Variants in TTLL5 observed in about 807,000 individuals in gnomAD.
TTLL5 encodes tubulin polyglutamylase TTLL5.
TTLL5 carries 132 observed loss-of-function variants against 168.4 expected under a neutral mutation model. That is an observed-to-expected ratio of 0.78 (90% CI 0.68 to 0.91). The LOEUF (loss-of-function observed/expected upper bound fraction) is 0.91. TTLL5 is among the 40% of genes least tolerant of loss of function. The pLI is 0.00. For missense variants in TTLL5, 1,545 were observed against 1,581.5 expected (o/e 0.98, Z 0.39); for synonymous variants, 546 against 558.6 (o/e 0.98, Z 0.32).
intron 29 of TTLL5, among the ~76,000 whole-genome samples, chr14:75,870,818 C>T (rs1251247276): frequency 7.2e-4 from 103 of 143,890 alleles, no homozygotes; most frequent in African/African-American, 2.4e-3. Context: ...TTTTTTGAGA[C>T]GGAGTCTTGC....
chr14:75,766,095 CT>C lies in TTLL5; in HGVS notation c.1743del (p.Glu582ArgfsTer12). 1.2e-6 allele frequency: 2 copies of C among 1,613,280 alleles called. No individual in the cohort carries two copies. Among genetic ancestry groups the C allele is most frequent in the Non-Finnish European group, 1.7e-6 (2 of 1,179,756 alleles). On this transcript the variant is annotated frameshift_variant, in exon 20 of 32. Transcript: ENST00000298832. LOFTEE classifies it high-confidence loss of function. ...CAACCAGCTGAAATGAATGTTAAAACTGAGACAGAGAGTGAAGAGGAGGAAG... is the reference window on the plus strand; with the variant it reads ...CAACCAGCTGAAATGAATGTTAAAACGAGACAGAGAGTGAAGAGGAGGAAG... ...ITQPAEMNVK[T>X]ETESEEEEEV...
chr14:75,922,087 A>G (rs2033847654), intron 31 of TTLL5, among the ~76,000 whole-genome samples: 1 of 152,282 alleles, frequency 6.6e-6, no homozygotes, highest in African/African-American at 2.4e-5. Context: ...TTGATTTTGT[A>G]TCCTGAGACT....
chr14:75,670,923 A>G (rs924240348), intron 3 of TTLL5, among the ~76,000 whole-genome samples: 1 of 152,154 alleles, frequency 6.6e-6, no homozygotes, highest in Non-Finnish European at 1.5e-5. Context: ...CAGTTTATCT[A>G]ATTTTTCTTT....
In TTLL5 at chr14:75,902,148, C is replaced by CT. The variant is rs1484497972; in HGVS notation, c.3748dup (p.Ser1250PhefsTer14). The CT allele has an allele frequency of 3.7e-6, 6 of 1,614,160 alleles. No individual in the cohort carries two copies. Among genetic ancestry groups the CT allele is most frequent in the Non-Finnish European group, 5.1e-6 (6 of 1,180,010 alleles). On this transcript the variant is annotated frameshift_variant, in exon 31 of 32. Transcript: ENST00000298832. LOFTEE classifies it high-confidence loss of function. ...AAGCTCCTTTGTGTTTCAGAGGGTC[C>CT]TCCGCGGAAGGGCAGCTGAATGGAC...
intron 28 of TTLL5, among the ~76,000 whole-genome samples, chr14:75,854,249 C>T (rs1284822798): frequency 1.3e-5 from 2 of 152,170 alleles, no homozygotes; most frequent in Admixed American, 6.5e-5. Flanking sequence ...TGTAGATTTG[C>T]TGTGCCTGTT....
intron 12 of TTLL5, among the ~76,000 whole-genome samples, chr14:75,728,572 G>T (rs935164144): frequency 3.9e-5 from 6 of 152,076 alleles, no homozygotes; most frequent in African/African-American, 1.4e-4. Context: ...TTTGTTGAGT[G>T]TTGAATACCT....
intron 2 of TTLL5, among the ~76,000 whole-genome samples, chr14:75,668,126 T>G (rs1883434022): frequency 2.0e-5 from 3 of 152,148 alleles, no homozygotes; most frequent in Admixed American, 2.0e-4. Context: ...TGGTATGACC[T>G]TTGTTAAGGG....
chr14:75,801,609 C>T (rs960934693), intron 27 of TTLL5, among the ~76,000 whole-genome samples: 1 of 152,128 alleles, frequency 6.6e-6, no homozygotes, highest in Admixed American at 6.5e-5. Context: ...TACTTCCCCC[C>T]ACCCTCTGTA....
chr14:75,784,662 T>TC (rs1441287632), intron 26 of TTLL5, among the ~76,000 whole-genome samples: 1 of 152,226 alleles, frequency 6.6e-6, no homozygotes, highest in Non-Finnish European at 1.5e-5. Context: ...TTGAGGAACT[T>TC]CTAAACTGTT....
chr14:75,872,002 C>T (rs985444566), intron 29 of TTLL5, among the ~76,000 whole-genome samples: 1 of 152,236 alleles, frequency 6.6e-6, no homozygotes, highest in East Asian at 1.9e-4. Context: ...GTTAGGAGAA[C>T]GGGGCCCTGA....
intron 27 of TTLL5, among the ~76,000 whole-genome samples, chr14:75,810,561 T>A (rs1893933607): frequency 6.6e-6 from 1 of 151,798 alleles, no homozygotes. Flanking sequence ...AGAGATGGGG[T>A]CTCTTATGTT....
chr14:75,902,178 G>A lies in TTLL5; in HGVS notation c.3777G>A (p.Gln1259=), dbSNP rs200369228. The A allele has an allele frequency of 1.2e-3, 1,960 of 1,614,164 alleles. 31 individuals carry two copies. In the South Asian group the frequency reaches 0.02, roughly 17 times the overall value. The change falls in exon 31 of 32, where the codon CAG becomes CAA. Residue 1259 remains glutamine (Q), a synonymous_variant. Coordinates refer to ENST00000298832, the MANE Select transcript of TTLL5 (RefSeq NM_015072.5). Reference sequence around the variant, plus strand: ...CGGAAGGGCAGCTGAATGGACTCCAGAGCAGCCTTAACCCTGCAGCCTTTG... The same window carrying A: ...CGGAAGGGCAGCTGAATGGACTCCAAAGCAGCCTTAACCCTGCAGCCTTTG... ...SSAEGQLNGL[Q]SSLNPAAFVP...
At chr14:75,858,506 G>A (rs1897245816) in intron 28 of TTLL5, among the ~76,000 whole-genome samples, 1 of 152,192 alleles carries the variant, frequency 6.6e-6, no homozygotes, top group Non-Finnish European at 1.5e-5. Flanking sequence ...CTCAAGGAAA[G>A]GCATTTGTGA....
Position 75,919,197 on chromosome 14 carries a change from CAAAAAAA to C in TTLL5, c.3823+16991_3823+16997del, listed in dbSNP as rs10655974. ...GCCTGGCTCCAGAGCAAGACCGTCT[CAAAAAAA>C]AAAAAAAAAAAAAAAAAGGAAAAAG... On this transcript the variant is annotated intron_variant, in intron 31 of 31. Transcript: ENST00000298832. Among the ~76,000 whole-genome samples the C allele has an allele frequency of 7.5e-3, 423 of 56,116 alleles. 1 individual carries two copies. The highest frequency in any genetic ancestry group is 0.025 in the African/African-American group (371 of 14,564). The allele number at this position is 56,116 out of a possible 152,430, so 36.8% of individuals were successfully genotyped here.
chr14:75,731,409 A>G (rs1708484528), intron 12 of TTLL5, among the ~76,000 whole-genome samples: 1 of 151,644 alleles, frequency 6.6e-6, no homozygotes, highest in African/African-American at 2.4e-5. Flanking sequence ...ACACACACAC[A>G]CACACACACA....
At chr14:75,680,543 A>G (rs1184513033) in intron 3 of TTLL5, among the ~76,000 whole-genome samples, 1 of 151,754 alleles carries the variant, frequency 6.6e-6, no homozygotes, top group Non-Finnish European at 1.5e-5. Context: ...TTGGGCTACC[A>G]GTTTCTAACC....
intron 31 of TTLL5, among the ~76,000 whole-genome samples, chr14:75,921,932 G>C (rs2033839797): frequency 6.6e-6 from 1 of 152,138 alleles, no homozygotes; most frequent in African/African-American, 2.4e-5. Flanking sequence ...TCCTCGAAGA[G>C]GTCCTTCACA....
chr14:75,882,907 G>A lies in TTLL5; in HGVS notation c.3740+5G>A. On this transcript the variant is annotated splice_donor_5th_base_variant and intron_variant, in intron 30 of 31. Transcript: ENST00000298832. ...AACATCCCAGAAAGCTTCCAAGTAA[G>A]TTTTTTTCTGTTCAATTTCTACTGA... The A allele has an allele frequency of 6.2e-7, 1 of 1,613,158 alleles. No homozygotes were observed.
intron 31 of TTLL5, among the ~76,000 whole-genome samples, chr14:75,937,156 C>A (rs1467387279): frequency 1.3e-5 from 2 of 149,938 alleles, no homozygotes; most frequent in Non-Finnish European, 2.9e-5. Flanking sequence ...CTTGCTCTGT[C>A]ACCAGGCTGG....
Sources: gnomAD v4.1 joint callset for allele counts (sites outside exome capture counted in the v4.1 genomes callset) on GRCh38, gnomAD v4.1.1 for gene constraint, MANE v1.5 for transcripts, NCBI Gene and HGNC (gene_info 2026-07-23, HGNC 2026-07-21) for gene names.